The following AGAP9 variants were observed in gnomAD, a reference collection of about 807,000 sequenced individuals.
The protein encoded by AGAP9 is arf-GAP with GTPase, ANK repeat and PH domain-containing protein 9.
AGAP9 carries 23 observed loss-of-function variants against 55.6 expected under a neutral mutation model. That is an observed-to-expected ratio of 0.41 (90% CI 0.30 to 0.59). The LOEUF is 0.59. Ranked by LOEUF, AGAP9 falls within the 20% of genes least tolerant of loss-of-function variation. The probability of loss-of-function intolerance (pLI) is 0.25; values close to 1 mark genes in which losing one functional copy is unlikely to be tolerated. For missense variants in AGAP9, 309 were observed against 808.1 expected (o/e 0.38, Z 7.49); for synonymous variants, 120 against 305.0 (o/e 0.39, Z 6.32).
Position 47,511,437 on chromosome 10 carries a change from A to C in AGAP9, c.397-1166T>G, listed in dbSNP as rs1252342925. 1.1e-4 allele frequency among the ~76,000 whole-genome samples: 15 copies of C among 133,110 alleles called. 1 individual carries two copies. Among genetic ancestry groups the C allele is most frequent in the African/African-American group, 4.0e-4 (14 of 35,420 alleles). The allele number at this position is 133,110 out of a possible 152,430, so 87.3% of individuals were successfully genotyped here. A position where few individuals can be genotyped will look rare whatever the true frequency, so the allele number is the denominator to read the frequency against. Reference sequence around the variant, plus strand: ...GTGTGCCAGGGCTGCTAGGCCACCAACAAGTGAGGAAGCCATAGGTTTCTC... The same window carrying C: ...GTGTGCCAGGGCTGCTAGGCCACCACCAAGTGAGGAAGCCATAGGTTTCTC... On this transcript the variant is annotated intron_variant, in intron 4 of 7. Transcript: ENST00000452145.
chr10:47,511,090 C>A (rs1840612050), intron 4 of AGAP9, among the ~76,000 whole-genome samples: 2 of 124,152 alleles, frequency 1.6e-5, no homozygotes, highest in South Asian at 2.7e-4. Context: ...ACTACAGGCG[C>A]CCACCACCAT....
At chr10:47,517,395 C>T (rs1333865550) in intron 4 of AGAP9, among the ~76,000 whole-genome samples, 1 of 119,132 alleles carries the variant, frequency 8.4e-6, no homozygotes, top group East Asian at 3.3e-4. Flanking sequence ...GCCTCAGCCT[C>T]CTGACTAGCT....
At position 47,502,876 on chromosome 10, in the gene AGAP9, C is replaced by T; in HGVS notation, c.1253G>A (p.Gly418Asp). 6.2e-7 allele frequency: 1 copy of T among 1,604,546 alleles called. No individual in the cohort carries two copies. Among genetic ancestry groups the T allele is most frequent in the Non-Finnish European group, 8.5e-7 (1 of 1,177,428 alleles). The change falls in exon 8 of 8, where the codon GGC becomes GAC. Residue 418 changes from glycine to aspartate, a missense_variant. Gly to Asp is a moderately conservative substitution (Grantham distance 94). Coordinates refer to ENST00000452145, the MANE Select transcript of AGAP9 (RefSeq NM_001190810.1). ...TNNFMIVSAT[G>D]QTWHFEATTY... The stretch of plus-strand genomic sequence containing the variant: ...CGTGGCTTCAAAGTGCCACGTTTGG[C>T]CAGTGGCAGACACAATCATAAAGTT...
chr10:47,507,531 G>A lies in AGAP9; in HGVS notation c.533+17C>T, dbSNP rs1840508431. The A allele has an allele frequency of 6.6e-7, 1 of 1,521,506 alleles. No individual in the cohort carries two copies. Among genetic ancestry groups the A allele is most frequent in the Admixed American group, 1.8e-5 (1 of 54,054 alleles). 94.3% of individuals were successfully genotyped at this position (1,521,506 alleles called of 1,614,324 possible). A position where few individuals can be genotyped will look rare whatever the true frequency, so the allele number is the denominator to read the frequency against. ...GTAATTAGCTAGAATAACAAGACAGGTTTCTAAAAAGCTCACCTTTGTGTG... is the reference window on the plus strand; with the variant it reads ...GTAATTAGCTAGAATAACAAGACAGATTTCTAAAAAGCTCACCTTTGTGTG... On this transcript the variant is annotated intron_variant, in intron 6 of 7. Coordinates refer to ENST00000452145, the MANE Select transcript of AGAP9 (RefSeq NM_001190810.1).
rs1840394171 is a variant in AGAP9, at chr10:47,503,175, G to A, written c.954C>T (p.Ser318=). The A allele has an allele frequency of 1.2e-6, 2 of 1,606,578 alleles. No homozygotes were observed. The highest frequency in any genetic ancestry group is 1.7e-6 in the Non-Finnish European group (2 of 1,178,378). The change falls in exon 8 of 8, where the codon AGC becomes AGT. Residue 318 remains serine (S), a synonymous_variant. Coordinates refer to ENST00000452145, the MANE Select transcript of AGAP9 (RefSeq NM_001190810.1). ...GAATATTCTTCATATAATCACCTAA[G>A]CTTGAATAATAGGTGAGCACGCCAT... The part of the protein sequence containing the change: ...CSNGVLTYYS[S]LGDYMKNIHK...
chr10:47,504,843 GTTC>G (rs1840443084), intron 6 of AGAP9, among the ~76,000 whole-genome samples: 1 of 92,190 alleles, frequency 1.1e-5, no homozygotes, highest in Non-Finnish European at 2.2e-5. Context: ...GGTCATAACT[GTTC>G]TTTTTTTTTT....
At chr10:47,522,319 A>G (rs1840864939) in intron 2 of AGAP9, among the ~76,000 whole-genome samples, 1 of 147,294 alleles carries the variant, frequency 6.8e-6, no homozygotes, top group Non-Finnish European at 1.5e-5. Flanking sequence ...CTGTTAAGTC[A>G]CCAGAATAAA....
Position 47,507,462 on chromosome 10 carries a change from A to T in AGAP9, c.533+86T>A. Reference sequence around the variant, plus strand: ...TTTAGTAGGCACAATACAGCTTATGATGTCTAGAGCTGTGACCTAACACTG... The same window carrying T: ...TTTAGTAGGCACAATACAGCTTATGTTGTCTAGAGCTGTGACCTAACACTG... On this transcript the variant is annotated intron_variant, in intron 6 of 7. Transcript: ENST00000452145. 19 of 1,401,266 alleles carry T rather than the reference A, an allele frequency of 1.4e-5. 5 individuals are homozygous for T. The South Asian group carries it at 2.3e-4, about 17-fold the overall frequency. 86.8% of individuals were successfully genotyped at this position (1,401,266 alleles called of 1,614,324 possible).
intron 5 of AGAP9, 121 bp from the exon 6 acceptor site, chr10:47,507,704 C>T: frequency 1.4e-6 from 1 of 735,636 alleles, no homozygotes; most frequent in Non-Finnish European, 2.2e-6. Flanking sequence ...TCTTCTAGTT[C>T]AGAACAGTAC....
chr10:47,503,400 A>G lies in AGAP9; in HGVS notation c.729T>C (p.Val243=), dbSNP rs2132471822. The G allele has an allele frequency of 6.2e-7, 1 of 1,610,134 alleles. No individual in the cohort carries two copies. The highest frequency in any genetic ancestry group is 1.7e-5 in the Admixed American group (1 of 59,662). ...VPPTANTPTP[V]CKRSMRWSNL... is the part of the protein sequence containing the mutation. ...TGGACCAGCGCATGGACCGCTTGCAAACGGGGGTGGGTGTGTTGGCAGTGG... is the reference window on the plus strand; with the variant it reads ...TGGACCAGCGCATGGACCGCTTGCAGACGGGGGTGGGTGTGTTGGCAGTGG... Residue 243 remains valine (V), a synonymous_variant, in exon 8 of 8, where the codon GTT becomes GTC. Coordinates refer to ENST00000452145, the MANE Select transcript of AGAP9 (RefSeq NM_001190810.1).
In AGAP9 at chr10:47,515,881, G is replaced by A. The variant is rs1202680269; in HGVS notation, c.396+1942C>T. 2.8e-5 allele frequency among the ~76,000 whole-genome samples: 3 copies of A among 105,732 alleles called. 1 individual carries two copies. Among genetic ancestry groups the A allele is most frequent in the Non-Finnish European group, 3.8e-5 (2 of 53,132 alleles). The allele number at this position is 105,732 out of a possible 152,430, so 69.4% of individuals were successfully genotyped here. On this transcript the variant is annotated intron_variant, in intron 4 of 7. Coordinates refer to ENST00000452145, the MANE Select transcript of AGAP9 (RefSeq NM_001190810.1). Reference sequence around the variant, plus strand: ...AGTGCTATCAGTTAACAGAAATCCTGCTTCCAAATAAAGCAGGCCAGGGAC... The same window carrying A: ...AGTGCTATCAGTTAACAGAAATCCTACTTCCAAATAAAGCAGGCCAGGGAC...
Position 47,502,263 on chromosome 10 carries a change from T to C in AGAP9, c.1866A>G (p.Gly622=). 1 of 1,596,992 alleles carries C rather than the reference T, an allele frequency of 6.3e-7. No homozygotes were observed. The highest frequency in any genetic ancestry group is 8.5e-7 in the Non-Finnish European group (1 of 1,175,584). Residue 622 remains glycine, a synonymous_variant, in exon 8 of 8, where the codon GGA becomes GGG. Transcript: ENST00000452145. ...CCAGATGGAGTGCCGTGCAGCCGTC[T>C]CCCTCCCCACAGGTCTCGTTCACCT... ...REEVNETCGE[G]DGCTALHLAC... is the part of the protein sequence containing the mutation.
chr10:47,521,904 G>C (rs1440712313), intron 2 of AGAP9, among the ~76,000 whole-genome samples: 1 of 149,742 alleles, frequency 6.7e-6, no homozygotes, highest in Non-Finnish European at 1.5e-5. Flanking sequence ...CCTCAGCCTT[G>C]TGAGTAGCTG....
chr10:47,503,862 C>G (rs1313103916), intron 7 of AGAP9, among the ~76,000 whole-genome samples: 33 of 102,532 alleles, frequency 3.2e-4, no homozygotes, highest in African/African-American at 1.4e-3. Flanking sequence ...TGAACAGGGA[C>G]CTGGGAGGCA....
chr10:47,510,399 A>C, intron 4 of AGAP9, 128 bp from the exon 5 acceptor site: 1 of 1,384,414 alleles, frequency 7.2e-7, no homozygotes, highest in Non-Finnish European at 9.6e-7. Flanking sequence ...TATCATGTGC[A>C]ATCTATAGAA....
At chr10:47,516,707 C>CCA (rs1491408413) in intron 4 of AGAP9, among the ~76,000 whole-genome samples, 1 of 133,444 alleles carries the variant, frequency 7.5e-6, no homozygotes, top group South Asian at 2.3e-4. Context: ...AAGTTGCCCC[C>CCA]CACACACACA....
chr10:47,510,400 A>C lies in AGAP9; in HGVS notation c.397-129T>G, dbSNP rs1274888667. 5.9e-5 allele frequency: 81 copies of C among 1,384,438 alleles called. 5 individuals carry two copies. The Middle Eastern group carries it at 1.1e-3, about 18-fold the overall frequency. The allele number at this position is 1,384,438 out of a possible 1,614,324, so 85.8% of individuals were successfully genotyped here. On this transcript the variant is annotated intron_variant, in intron 4 of 7. Coordinates refer to ENST00000452145, the MANE Select transcript of AGAP9 (RefSeq NM_001190810.1). ...CTGCCTGAGTGTGGTATCATGTGCA[A>C]TCTATAGAAAACCCATTGGAGGCTC...
At chr10:47,515,472 C>A (rs112708772) in intron 4 of AGAP9, among the ~76,000 whole-genome samples, 1 of 33,028 alleles carries the variant, frequency 3.0e-5, no homozygotes. Context: ...AGGCAAATGG[C>A]ACTTTGGAAA....
intron 2 of AGAP9, among the ~76,000 whole-genome samples, chr10:47,521,236 C>T (rs1477233519): frequency 7.4e-6 from 1 of 134,410 alleles, no homozygotes; most frequent in Non-Finnish European, 1.5e-5. Context: ...TTTGGGCTCT[C>T]ATCCAACACT....
Sources: allele counts gnomAD v4.1 joint callset (sites outside exome capture counted in the v4.1 genomes callset), GRCh38; gene constraint gnomAD v4.1.1; transcripts MANE v1.5; gene names NCBI Gene and HGNC (gene_info 2026-07-23, HGNC 2026-07-21).